NAMPT: variants seen among roughly 807,000 people sequenced by gnomAD.
NAMPT encodes the protein NAmPRTase.
NAMPT carries 7 observed loss-of-function variants against 58.7 expected under a neutral mutation model. That is an observed-to-expected ratio of 0.12 (90% CI 0.07 to 0.22). The LOEUF (loss-of-function observed/expected upper bound fraction) is 0.22. NAMPT is among the 10% of genes least tolerant of loss of function. The probability of loss-of-function intolerance (pLI) is 1.00; values close to 1 mark genes in which losing one functional copy is unlikely to be tolerated. For synonymous variants in NAMPT, 145 were observed against 198.1 expected, an observed-to-expected ratio of 0.73 and a Z score of 2.25; for missense variants, 271 against 567.9, an observed-to-expected ratio of 0.48 and a Z score of 5.31.
At chr7:106,252,559 A>G (rs1792121907) in intron 10 of NAMPT, among the ~76,000 whole-genome samples, 1 of 152,068 alleles carries the variant, frequency 6.6e-6, no homozygotes, top group Non-Finnish European at 1.5e-5. Context: ...TTTTAACTTG[A>G]GTTCACAAAT....
chr7:106,272,389 G>C, intron 4 of NAMPT, 141 bp downstream of exon 4: 1 of 639,844 alleles, frequency 1.6e-6, no homozygotes, highest in Admixed American at 3.4e-5. Context: ...TCATTTTATA[G>C]ATGAGGAAAT....
At position 106,261,745 on chromosome 7, in the gene NAMPT, A is replaced by G. The variant is rs755851577; in HGVS notation, c.970-38T>C. 9 of 1,579,112 alleles carry G rather than the reference A, an allele frequency of 5.7e-6. No individual in the cohort carries two copies. In the East Asian group the frequency reaches 1.8e-4, roughly 31 times the overall value. On this transcript the variant is annotated intron_variant, in intron 7 of 10. Coordinates refer to ENST00000222553, the MANE Select transcript of NAMPT (RefSeq NM_005746.3). ...ATACACATGCAACACAAATAACTAA[A>G]GCTGAAAACAAGTATAAGAGCTTTT...
At chr7:106,252,205 T>C (rs1282479800) in intron 10 of NAMPT, among the ~76,000 whole-genome samples, 1 of 152,134 alleles carries the variant, frequency 6.6e-6, no homozygotes, top group Non-Finnish European at 1.5e-5. Context: ...CTTTAGCTCA[T>C]CTAGGATAAA....
At chr7:106,261,434 A>T in intron 8 of NAMPT, 154 bp downstream of exon 8, 1 of 601,412 alleles carries the variant, frequency 1.7e-6, no homozygotes, top group Non-Finnish European at 2.7e-6. Flanking sequence ...TTAAACTACT[A>T]TTATTTCTAA....
At chr7:106,255,744 T>C (rs1256226609) in intron 8 of NAMPT, among the ~76,000 whole-genome samples, 4 of 152,184 alleles carry the variant, frequency 2.6e-5, no homozygotes, top group Non-Finnish European at 5.9e-5. Context: ...AACCTAAAGG[T>C]ACCCAAGGCC....
chr7:106,277,216 A>C, intron 1 of NAMPT, 37 bp from the exon 2 acceptor site: 1 of 1,518,596 alleles, frequency 6.6e-7, no homozygotes, highest in Non-Finnish European at 9.1e-7. Context: ...GAAAACACCG[A>C]TGAGTAGACT....
chr7:106,252,502 TTCTG>T (rs932315022), intron 10 of NAMPT, among the ~76,000 whole-genome samples: 49 of 152,204 alleles, frequency 3.2e-4, no homozygotes, highest in African/African-American at 1.1e-3. Flanking sequence ...TCATGAATAG[TTCTG>T]TCTAAAGTTT....
chr7:106,269,877 A>G (rs920534083), intron 4 of NAMPT, among the ~76,000 whole-genome samples: 6 of 152,204 alleles, frequency 3.9e-5, no homozygotes, highest in African/African-American at 1.2e-4. Flanking sequence ...TTGGATTAAT[A>G]TGACAACTAA....
intron 10 of NAMPT, among the ~76,000 whole-genome samples, chr7:106,251,946 G>C (rs1166157432): frequency 6.6e-6 from 1 of 151,716 alleles, no homozygotes; most frequent in Admixed American, 6.6e-5. Flanking sequence ...TTTCCACCTA[G>C]TCTGAAGATT....
intron 1 of NAMPT, among the ~76,000 whole-genome samples, chr7:106,280,805 G>A (rs1357708409): frequency 1.3e-5 from 2 of 151,846 alleles, no homozygotes; most frequent in Admixed American, 6.6e-5. Flanking sequence ...GCCGGGCGTG[G>A]TGGCACGCGC....
chr7:106,259,369 CATG>C (rs1418202655), intron 8 of NAMPT, among the ~76,000 whole-genome samples: 1 of 152,186 alleles, frequency 6.6e-6, no homozygotes, highest in Non-Finnish European at 1.5e-5. Context: ...TCCCATGAAG[CATG>C]ATGTTCTTAA....
At chr7:106,270,468 T>A (rs910960657) in intron 4 of NAMPT, 1 of 215,040 alleles carries the variant, frequency 4.7e-6, no homozygotes, top group African/African-American at 2.4e-5. Context: ...AAAACTACTT[T>A]GTAGCATTAG....
chr7:106,285,653 C>CT (rs1792866777), upstream of NAMPT: 1 of 968,916 alleles, frequency 1.0e-6, no homozygotes, highest in South Asian at 4.8e-5. Flanking sequence ...AGGAGTGAGG[C>CT]TGAGGGGCCC....
intron 7 of NAMPT, chr7:106,263,120 C>G (rs1037118289): frequency 7.2e-6 from 3 of 419,256 alleles, no homozygotes; most frequent in African/African-American, 6.0e-5. Flanking sequence ...ATTAAAATGG[C>G]AATGCTGTTA....
Position 106,284,961 on chromosome 7 carries a change from C to A in NAMPT, c.-77G>T, listed in dbSNP as rs916102396. 9.8e-6 allele frequency: 15 copies of A among 1,537,244 alleles called. No homozygotes were observed. In the African/African-American group the frequency reaches 1.5e-4, roughly 15 times the overall value. ...GAGGAAGGAGAAAAATGAGCTTCAC[C>A]GCGCTCCGTTGCTTAAGTCACTGCT... On this transcript the variant is annotated 5_prime_UTR_variant, in exon 1 of 11. Transcript: ENST00000222553.
chr7:106,253,305 CAT>C, intron 9 of NAMPT, 154 bp from the exon 10 acceptor site: 4 of 709,866 alleles, frequency 5.6e-6, no homozygotes, highest in Non-Finnish European at 9.2e-6. Flanking sequence ...CTTTCAGAAA[CAT>C]AACACTTTAG....
At chr7:106,285,060 T>G, upstream of NAMPT, 1 of 1,355,852 alleles carries the variant, frequency 7.4e-7, no homozygotes, top group East Asian at 2.8e-5. Context: ...CCGGGAGCCG[T>G]GACGCGGCGC....
chr7:106,261,986 G>T (rs1020923813), intron 7 of NAMPT, among the ~76,000 whole-genome samples: 2 of 151,626 alleles, frequency 1.3e-5, no homozygotes, highest in East Asian at 3.9e-4. Context: ...AAATTATATG[G>T]ATTCAAGGAA....
At chr7:106,260,062 C>A (rs1431134800) in intron 8 of NAMPT, among the ~76,000 whole-genome samples, 1 of 152,160 alleles carries the variant, frequency 6.6e-6, no homozygotes, top group Non-Finnish European at 1.5e-5. Context: ...TGAGCACTAG[C>A]TTCCACTTAA....
Sources: gnomAD v4.1 joint callset for allele counts (sites outside exome capture counted in the v4.1 genomes callset) on GRCh38, gnomAD v4.1.1 for gene constraint, MANE v1.5 for transcripts, NCBI Gene and HGNC (gene_info 2026-07-23, HGNC 2026-07-21) for gene names.